Variants in XKR4 observed in about 807,000 individuals in gnomAD.
XKR4 encodes the protein XK related 4.
XKR4 carries 12 observed loss-of-function variants against 53.9 expected under a neutral mutation model. The ratio of observed to expected loss-of-function variants is 0.22; its 90% CI spans 0.14 to 0.36. The LOEUF (loss-of-function observed/expected upper bound fraction) is 0.36, where lower values mean the gene tolerates loss of function less well. Among genes scored for constraint, XKR4 ranks in the 10% least tolerant of loss-of-function variants. XKR4 has a pLI of 1.00. For missense variants in XKR4, 799 were observed against 859.5 expected (o/e 0.93, Z 0.88); for synonymous variants, 354 against 362.4 (o/e 0.98, Z 0.26).
In XKR4 at chr8:55,247,860, T is replaced by TTCTTTC. The variant is rs760867461; in HGVS notation, c.807-109817_807-109816insCTTTCT. Among the ~76,000 whole-genome samples the TTCTTTC allele has an allele frequency of 1.8e-3, 185 of 105,420 alleles. 3 individuals carry two copies. Among genetic ancestry groups the TTCTTTC allele is most frequent in the South Asian group, 0.017 (41 of 2,484 alleles). The allele number at this position is 105,420 out of a possible 152,430, so 69.2% of individuals were successfully genotyped here. A position where few individuals can be genotyped will look rare whatever the true frequency, so the allele number is the denominator to read the frequency against. On this transcript the variant is annotated intron_variant, in intron 1 of 2. Coordinates refer to ENST00000327381, the MANE Select transcript of XKR4 (RefSeq NM_052898.2). ...TTTTCTTTCTTTCTTTCTTTCTTTTTTTTTTTTTTTTTTTGAGACAGAGTC... is the reference window on the plus strand; with the variant it reads ...TTTTCTTTCTTTCTTTCTTTCTTTTTTCTTTCTTTTTTTTTTTTTTGAGACAGAGTC...
At chr8:55,451,980 G>T in intron 2 of XKR4, 1 of 775,020 alleles carries the variant, frequency 1.3e-6, no homozygotes, top group South Asian at 1.4e-5. Context: ...CTTCTTGCGA[G>T]TGACATGCTG....
chr8:55,276,689 C>T (rs111499206), intron 1 of XKR4, among the ~76,000 whole-genome samples: 1 of 152,138 alleles, frequency 6.6e-6, no homozygotes, highest in South Asian at 2.1e-4. Flanking sequence ...TAAGTGATTA[C>T]AGAGAAATTT....
chr8:55,186,048 G>A (rs1044693849), intron 1 of XKR4, among the ~76,000 whole-genome samples: 2 of 152,080 alleles, frequency 1.3e-5, no homozygotes, highest in African/African-American at 4.8e-5. Context: ...TCATTCTAAG[G>A]TTTTAGACAT....
intron 1 of XKR4, among the ~76,000 whole-genome samples, chr8:55,171,684 C>T (rs1817160417): frequency 2.0e-5 from 3 of 151,792 alleles, no homozygotes; most frequent in African/African-American, 7.3e-5. Context: ...GGGCAGCCTG[C>T]CAACACTGAC....
chr8:55,245,396 A>G (rs922396991), intron 1 of XKR4, among the ~76,000 whole-genome samples: 3 of 152,038 alleles, frequency 2.0e-5, no homozygotes, highest in Non-Finnish European at 2.9e-5. Flanking sequence ...GGAAAATTAC[A>G]TATATATTTA....
chr8:55,443,786 AG>A (rs1362855680), intron 2 of XKR4, among the ~76,000 whole-genome samples: 1 of 143,034 alleles, frequency 7.0e-6, no homozygotes, highest in African/African-American at 2.6e-5. Context: ...GGTTTCAGTG[AG>A]CTGAGATTGT....
Position 55,459,973 on chromosome 8 carries a change from A to G in XKR4, c.1007-63308A>G, listed in dbSNP as rs554758878. 4.3e-4 allele frequency among the ~76,000 whole-genome samples: 65 copies of G among 152,014 alleles called. 1 individual carries two copies. Among genetic ancestry groups the G allele is most frequent in the African/African-American group, 1.5e-3 (63 of 41,512 alleles). Reference sequence around the variant, plus strand: ...ATGTCTACACACAGTTTTGTCCACAAATATTTCTAGCAGAATTATTCATAA... The same window carrying G: ...ATGTCTACACACAGTTTTGTCCACAGATATTTCTAGCAGAATTATTCATAA... On this transcript the variant is annotated intron_variant, in intron 2 of 2. Coordinates refer to ENST00000327381, the MANE Select transcript of XKR4 (RefSeq NM_052898.2).
intron 2 of XKR4, among the ~76,000 whole-genome samples, chr8:55,444,542 C>T (rs1001031513): frequency 6.6e-6 from 1 of 152,116 alleles, no homozygotes; most frequent in African/African-American, 2.4e-5. Context: ...ATGATTTGGG[C>T]ATTTCACAGA....
At chr8:55,481,275 G>C (rs1007337240) in intron 2 of XKR4, among the ~76,000 whole-genome samples, 2 of 152,152 alleles carry the variant, frequency 1.3e-5, no homozygotes, top group Non-Finnish European at 2.9e-5. Flanking sequence ...TGACAAACCT[G>C]AGAAAAACAA....
At chr8:55,486,514 C>A (rs1248848646) in intron 2 of XKR4, among the ~76,000 whole-genome samples, 1 of 152,220 alleles carries the variant, frequency 6.6e-6, no homozygotes, top group Admixed American at 6.5e-5. Context: ...AATTATACCT[C>A]CAGCATCAGA....
intron 1 of XKR4, among the ~76,000 whole-genome samples, chr8:55,282,740 G>A (rs1297216669): frequency 6.6e-6 from 1 of 152,160 alleles, no homozygotes; most frequent in Non-Finnish European, 1.5e-5. Flanking sequence ...ACTATATTGA[G>A]TGACATTGGT....
At chr8:55,410,317 G>A (rs759985057) in intron 2 of XKR4, among the ~76,000 whole-genome samples, 56 of 152,268 alleles carry the variant, frequency 3.7e-4, no homozygotes, top group Non-Finnish European at 6.0e-4. Flanking sequence ...GGCTTTCCAA[G>A]CATGTCTGCA....
At chr8:55,197,874 A>C (rs540008390) in intron 1 of XKR4, among the ~76,000 whole-genome samples, 1 of 152,292 alleles carries the variant, frequency 6.6e-6, no homozygotes, top group South Asian at 2.1e-4. Flanking sequence ...ACAAAGTTTC[A>C]TGACTAAAAT....
intron 1 of XKR4, among the ~76,000 whole-genome samples, chr8:55,170,435 G>A (rs1348909820): frequency 2.0e-5 from 3 of 152,118 alleles, no homozygotes; most frequent in Non-Finnish European, 2.9e-5. Flanking sequence ...CATGAGCCAA[G>A]GAATGTGGTG....
At chr8:55,487,247 A>C (rs1472144340) in intron 2 of XKR4, among the ~76,000 whole-genome samples, 1 of 152,192 alleles carries the variant, frequency 6.6e-6, no homozygotes, top group Non-Finnish European at 1.5e-5. Context: ...CTGATGTTCA[A>C]GACAGCAGGA....
chr8:55,248,098 A>G (rs944329604), intron 1 of XKR4, among the ~76,000 whole-genome samples: 10 of 151,418 alleles, frequency 6.6e-5, no homozygotes, highest in African/African-American at 2.4e-4. Context: ...CTCGTGATCC[A>G]CCCACCTTGA....
chr8:55,381,652 T>C (rs977944079), intron 2 of XKR4, among the ~76,000 whole-genome samples: 1 of 151,940 alleles, frequency 6.6e-6, no homozygotes, highest in Non-Finnish European at 1.5e-5. Context: ...GCCACCCACA[T>C]TGAGAGCAGA....
intron 1 of XKR4, among the ~76,000 whole-genome samples, chr8:55,241,469 C>T (rs1818209501): frequency 1.3e-5 from 2 of 148,256 alleles, no homozygotes; most frequent in African/African-American, 4.9e-5. Context: ...AGCCCAGGCA[C>T]ATGACCAATC....
chr8:55,403,117 C>A (rs1406683218), intron 2 of XKR4, among the ~76,000 whole-genome samples: 1 of 152,190 alleles, frequency 6.6e-6, no homozygotes, highest in Non-Finnish European at 1.5e-5. Context: ...AATCTAACCT[C>A]ATTTCTATAA....
Sources: gnomAD v4.1 joint callset for allele counts (sites outside exome capture counted in the v4.1 genomes callset) on GRCh38, gnomAD v4.1.1 for gene constraint, MANE v1.5 for transcripts, NCBI Gene and HGNC (gene_info 2026-07-23, HGNC 2026-07-21) for gene names.